Variants in CDH18 observed in about 807,000 individuals in gnomAD.
CDH18 encodes the protein cadherin 18.
Under a neutral mutation model 67.9 loss-of-function variants are expected in CDH18, and 31 were observed. The observed-to-expected ratio is 0.46, with a 90% CI of 0.34 to 0.62. The LOEUF is 0.62. CDH18 is among the 20% of genes least tolerant of loss of function. The probability of loss-of-function intolerance (pLI) is 0.01; values close to 1 mark genes in which losing one functional copy is unlikely to be tolerated. For synonymous variants in CDH18, 362 were observed against 347.2 expected (o/e 1.04, Z -0.48); for missense variants, 890 against 975.5 (o/e 0.91, Z 1.17).
chr5:19,501,365 G>A (rs1306551844), intron 11 of CDH18, among the ~76,000 whole-genome samples: 1 of 150,664 alleles, frequency 6.6e-6, no homozygotes, highest in Non-Finnish European at 1.5e-5. Context: ...CACTTTGGGA[G>A]GCCGAGGCGG....
chr5:19,956,007 A>T (rs1447817130), intron 2 of CDH18, among the ~76,000 whole-genome samples: 2 of 152,060 alleles, frequency 1.3e-5, no homozygotes, highest in Admixed American at 1.3e-4. Context: ...TCAAATTATG[A>T]ACATATGGAA....
chr5:19,611,385 C>G (rs914627505), intron 6 of CDH18, among the ~76,000 whole-genome samples: 16 of 152,114 alleles, frequency 1.1e-4, no homozygotes, highest in Non-Finnish European at 7.4e-5. Context: ...CAAAACTGTT[C>G]TAATTCTGCA....
At chr5:20,378,361 C>T (rs1743638191) in intron 1 of CDH18, among the ~76,000 whole-genome samples, 2 of 151,874 alleles carry the variant, frequency 1.3e-5, no homozygotes, top group Admixed American at 6.6e-5. Context: ...TTAGTAGAGA[C>T]GGGGTTTCAC....
At chr5:19,515,004 A>G (rs1420464465) in intron 10 of CDH18, among the ~76,000 whole-genome samples, 4 of 152,182 alleles carry the variant, frequency 2.6e-5, no homozygotes, top group Non-Finnish European at 4.4e-5. Flanking sequence ...TCTTTAATCC[A>G]TCTCGAATTA....
chr5:19,637,937 T>C (rs2150209664), intron 5 of CDH18, among the ~76,000 whole-genome samples: 1 of 152,314 alleles, frequency 6.6e-6, no homozygotes, highest in African/African-American at 2.4e-5. Context: ...ATAAGTGTCA[T>C]AAATATTTTC....
chr5:19,995,680 T>C lies in CDH18; in HGVS notation c.-517-3666A>G, dbSNP rs1007563531. Among the ~76,000 whole-genome samples, 5 of 151,580 alleles carry C rather than the reference T, an allele frequency of 3.3e-5. No individual in the cohort carries two copies. In the East Asian group the frequency reaches 9.7e-4, roughly 29 times the overall value. ...TTTGGCATAACAAAGACTTGGATAA[T>C]GGCTAGCTAAATCCCAGTTGTAAGT... is the stretch of plus-strand genomic sequence containing the variant. On this transcript the variant is annotated intron_variant, in intron 2 of 14. Coordinates refer to the CDH18 transcript ENST00000507958.
chr5:19,674,166 G>T (rs1389380244), intron 5 of CDH18, among the ~76,000 whole-genome samples: 2 of 152,064 alleles, frequency 1.3e-5, no homozygotes, highest in East Asian at 1.9e-4. Context: ...AAACTTAATG[G>T]ATAAAAAACA....
chr5:20,535,645 T>A (rs1756670588), intron 1 of CDH18, among the ~76,000 whole-genome samples: 1 of 152,112 alleles, frequency 6.6e-6, no homozygotes, highest in South Asian at 2.1e-4. Context: ...GTGTGCCATA[T>A]AACTCAGGCT....
chr5:19,627,949 T>C (rs951928585), intron 5 of CDH18, among the ~76,000 whole-genome samples: 1 of 152,160 alleles, frequency 6.6e-6, no homozygotes, highest in Non-Finnish European at 1.5e-5. Context: ...CTGTTAGCTT[T>C]GTTTGTAAGT....
At chr5:20,533,632 C>T (rs1301639285) in intron 1 of CDH18, among the ~76,000 whole-genome samples, 4 of 152,024 alleles carry the variant, frequency 2.6e-5, no homozygotes, top group Non-Finnish European at 5.9e-5. Flanking sequence ...TTTATAAAGC[C>T]TAATGAATTA....
At chr5:20,559,430 G>T (rs1651457) in intron 1 of CDH18, among the ~76,000 whole-genome samples, 108,935 of 151,236 alleles carry the variant, frequency 0.72, 39,522 homozygotes, top group East Asian at 0.98. Flanking sequence ...AACATAAGCA[G>T]AGCAATGGAT....
chr5:19,773,859 T>TA (rs931922423), intron 3 of CDH18, among the ~76,000 whole-genome samples: 1 of 152,042 alleles, frequency 6.6e-6, no homozygotes, highest in African/African-American at 2.4e-5. Context: ...CAGTTAAAGT[T>TA]AAAAGAAAAA....
At chr5:19,910,124 T>C (rs1790965438) in intron 2 of CDH18, among the ~76,000 whole-genome samples, 1 of 152,198 alleles carries the variant, frequency 6.6e-6, no homozygotes, top group African/African-American at 2.4e-5. Context: ...AGCCCCAATG[T>C]GGCTCAATAA....
At chr5:20,508,440 T>G (rs34467669) in intron 1 of CDH18, among the ~76,000 whole-genome samples, 2,589 of 149,416 alleles carry the variant, frequency 0.017, 45 homozygotes, top group Admixed American at 0.056. Context: ...CCTGCAGTAA[T>G]GAAATTTATC....
Position 20,256,065 on chromosome 5 carries a change from AT to A in CDH18, c.-579-561del, listed in dbSNP as rs949878807. On this transcript the variant is annotated intron_variant, in intron 1 of 14. Coordinates refer to the CDH18 transcript ENST00000507958. ...AGGGAGTATTATAAATCAATAAAAA[AT>A]ATATATTGTTCTAGAATTGTGACTA... is the stretch of plus-strand genomic sequence containing the variant. Among the ~76,000 whole-genome samples, 116 of 152,138 alleles carry A rather than the reference AT, an allele frequency of 7.6e-4. 1 individual carries two copies. The highest frequency in any genetic ancestry group is 2.7e-3 in the African/African-American group (114 of 41,570).
chr5:20,004,600 A>T (rs1271092177), intron 2 of CDH18, among the ~76,000 whole-genome samples: 1 of 152,242 alleles, frequency 6.6e-6, no homozygotes, highest in Non-Finnish European at 1.5e-5. Flanking sequence ...TCTAAGATGG[A>T]ACAATTATTA....
At chr5:19,867,484 A>T (rs1465625316) in intron 2 of CDH18, among the ~76,000 whole-genome samples, 1 of 152,208 alleles carries the variant, frequency 6.6e-6, no homozygotes, top group African/African-American at 2.4e-5. Context: ...CATCAGAAAA[A>T]GTGGCATTTG....
At position 19,544,632 on chromosome 5, in the gene CDH18, C is replaced by T. The variant is rs191340919; in HGVS notation, c.1254-627G>A. Among the ~76,000 whole-genome samples the T allele has an allele frequency of 1.3e-3, 194 of 152,104 alleles. 2 individuals carry two copies. The highest frequency in any genetic ancestry group is 4.0e-4 in the Non-Finnish European group (27 of 67,966). On this transcript the variant is annotated intron_variant, in intron 8 of 12. Transcript: ENST00000382275. ...AATTTTGTAGAGTTCTCTTATATTG[C>T]GTTAGATTTCAGCTTACTTTTGTAA...
intron 1 of CDH18, among the ~76,000 whole-genome samples, chr5:20,467,101 T>G (rs1751684152): frequency 6.6e-6 from 1 of 152,074 alleles, no homozygotes. Flanking sequence ...ACAAGATTAT[T>G]TGATGCAGTA....
Sources: allele counts gnomAD v4.1 joint callset (sites outside exome capture counted in the v4.1 genomes callset), GRCh38; gene constraint gnomAD v4.1.1; transcripts MANE v1.5; gene names NCBI Gene and HGNC (gene_info 2026-07-23, HGNC 2026-07-21).